The following CSRNP3 variants were observed in gnomAD, a reference collection of about 807,000 sequenced individuals.
The protein encoded by CSRNP3 is cysteine and serine rich nuclear protein 3, also known as cysteine/serine-rich nuclear protein 3.
In CSRNP3, 12 loss-of-function variants were observed where a neutral mutation model predicts 48.0. The ratio of observed to expected loss-of-function variants is 0.25; its 90% CI spans 0.16 to 0.41. The LOEUF (loss-of-function observed/expected upper bound fraction) is 0.41, where lower values mean the gene tolerates loss of function less well. Ranked by LOEUF, CSRNP3 falls within the 10% of genes least tolerant of loss-of-function variation. The pLI is 1.00. For missense variants in CSRNP3, 580 were observed against 724.4 expected (o/e 0.80, Z 2.29); for synonymous variants, 263 against 269.7 (o/e 0.98, Z 0.24).
At chr2:165,554,855 T>C (rs919577386) in intron 3 of CSRNP3, among the ~76,000 whole-genome samples, 2 of 152,146 alleles carry the variant, frequency 1.3e-5, no homozygotes, top group African/African-American at 4.8e-5. Flanking sequence ...TCAAAATTCT[T>C]ACAATTGCCT....
intron 1 of CSRNP3, among the ~76,000 whole-genome samples, chr2:165,490,129 T>C (rs1684182845): frequency 1.4e-5 from 2 of 147,986 alleles, no homozygotes; most frequent in Admixed American, 6.7e-5. Flanking sequence ...TGTACAAAAA[T>C]CACAAGCATT....
At chr2:165,492,051 G>C (rs1362343172) in intron 1 of CSRNP3, among the ~76,000 whole-genome samples, 1 of 150,472 alleles carries the variant, frequency 6.6e-6, no homozygotes, top group Non-Finnish European at 1.5e-5. Flanking sequence ...CCTCCACTTT[G>C]TCCTCTTTCT....
At chr2:165,569,133 A>G (rs1685335876) in intron 3 of CSRNP3, among the ~76,000 whole-genome samples, 1 of 152,046 alleles carries the variant, frequency 6.6e-6, no homozygotes, top group African/African-American at 2.4e-5. Flanking sequence ...TATCTTCTCA[A>G]TAAATGTTTG....
intron 4 of CSRNP3, among the ~76,000 whole-genome samples, chr2:165,601,784 G>A (rs1408098273): frequency 1.3e-5 from 2 of 151,804 alleles, no homozygotes; most frequent in Non-Finnish European, 2.9e-5. Flanking sequence ...CCCTACTACT[G>A]GCTCCACATT....
At chr2:165,619,420 G>A (rs573906903) in intron 4 of CSRNP3, among the ~76,000 whole-genome samples, 3 of 152,106 alleles carry the variant, frequency 2.0e-5, no homozygotes, top group Non-Finnish European at 4.4e-5. Flanking sequence ...TATTAGTGGT[G>A]AGGCTAAGGA....
intron 3 of CSRNP3, among the ~76,000 whole-genome samples, chr2:165,540,254 T>C (rs1684936232): frequency 6.6e-6 from 1 of 152,202 alleles, no homozygotes. Context: ...TCCCTGTCTT[T>C]ATTGTTAAAT....
chr2:165,507,060 A>G (rs952077004), intron 2 of CSRNP3, among the ~76,000 whole-genome samples: 2 of 152,204 alleles, frequency 1.3e-5, no homozygotes, highest in African/African-American at 2.4e-5. Flanking sequence ...CTGCAATAAA[A>G]TTATTTGTAA....
rs563873072 is a variant in CSRNP3 at position 165,615,854 on chromosome 2, G to A, written c.148+20641G>A. ...GGTTCCTGAGAATATGGCACTATAG[G>A]CACATACCACCATATCTGGCTAATG... On this transcript the variant is annotated intron_variant, in intron 4 of 6. Coordinates refer to ENST00000651982, the MANE Select transcript of CSRNP3 (RefSeq NM_001172173.2). Among the ~76,000 whole-genome samples the A allele has an allele frequency of 2.5e-4, 37 of 148,696 alleles. 1 individual carries two copies. The highest frequency in any genetic ancestry group is 8.4e-4 in the African/African-American group (34 of 40,534).
At chr2:165,619,319 C>T (rs1304173740) in intron 4 of CSRNP3, among the ~76,000 whole-genome samples, 1 of 152,086 alleles carries the variant, frequency 6.6e-6, no homozygotes, top group Non-Finnish European at 1.5e-5. Flanking sequence ...TATTTATCTT[C>T]CTACCTAAAC....
chr2:165,630,270 T>C (rs1445907911), intron 4 of CSRNP3, among the ~76,000 whole-genome samples: 1 of 152,216 alleles, frequency 6.6e-6, no homozygotes, highest in Non-Finnish European at 1.5e-5. Flanking sequence ...TGAATTAGTC[T>C]TTTCGTTTTC....
At chr2:165,587,774 T>A (rs2105288782) in intron 3 of CSRNP3, among the ~76,000 whole-genome samples, 1 of 152,270 alleles carries the variant, frequency 6.6e-6, no homozygotes, top group South Asian at 2.1e-4. Flanking sequence ...CAAAAAAAAA[T>A]TGTATGATGC....
intron 4 of CSRNP3, among the ~76,000 whole-genome samples, chr2:165,602,930 T>G (rs1685940493): frequency 6.6e-6 from 1 of 152,142 alleles, no homozygotes. Flanking sequence ...AGAGTCTCGC[T>G]GTCGCCCAGG....
chr2:165,591,013 A>G (rs1178313149), intron 3 of CSRNP3, among the ~76,000 whole-genome samples: 1 of 150,276 alleles, frequency 6.7e-6, no homozygotes, highest in African/African-American at 2.5e-5. Context: ...AGATAGGAAA[A>G]TGTGAGAAAG....
intron 5 of CSRNP3, among the ~76,000 whole-genome samples, chr2:165,674,469 A>G (rs950109081): frequency 6.6e-6 from 1 of 151,870 alleles, no homozygotes; most frequent in African/African-American, 2.4e-5. Context: ...GTGACATCCT[A>G]CTAGTGGCTA....
At chr2:165,543,053 C>T (rs1399612624) in intron 3 of CSRNP3, among the ~76,000 whole-genome samples, 1 of 152,068 alleles carries the variant, frequency 6.6e-6, no homozygotes, top group African/African-American at 2.4e-5. Flanking sequence ...TGTGTCCTCT[C>T]CTGAGTAGAC....
At chr2:165,603,049 T>C (rs7600070) in intron 4 of CSRNP3, among the ~76,000 whole-genome samples, 77,991 of 151,800 alleles carry the variant, frequency 0.51, 20,211 homozygotes, top group African/African-American at 0.56. Context: ...GCACCTGCCA[T>C]CGTGCCCGGC....
chr2:165,579,962 T>A (rs1320130333), intron 3 of CSRNP3, among the ~76,000 whole-genome samples: 1 of 134,448 alleles, frequency 7.4e-6, no homozygotes, highest in Non-Finnish European at 1.5e-5. Flanking sequence ...AGAGTCTCAC[T>A]CTGTCGCCCA....
At chr2:165,553,496 T>C (rs1043907217) in intron 3 of CSRNP3, among the ~76,000 whole-genome samples, 4 of 152,226 alleles carry the variant, frequency 2.6e-5, no homozygotes, top group Admixed American at 2.0e-4. Flanking sequence ...TAACCACTAA[T>C]TTCAGCTGAA....
chr2:165,583,674 C>A (rs1413452673), intron 3 of CSRNP3, among the ~76,000 whole-genome samples: 1 of 152,164 alleles, frequency 6.6e-6, no homozygotes, highest in East Asian at 1.9e-4. Flanking sequence ...TTCCTCTTCC[C>A]ATATCTCTTT....
Sources: allele counts gnomAD v4.1 joint callset (sites outside exome capture counted in the v4.1 genomes callset), GRCh38; gene constraint gnomAD v4.1.1; transcripts MANE v1.5; gene names NCBI Gene and HGNC (gene_info 2026-07-23, HGNC 2026-07-21).